PAH: variants seen among roughly 807,000 people sequenced by gnomAD.
PAH encodes the protein phenylalanine-4-hydroxylase.
A neutral mutation model predicts 62.0 loss-of-function variants in PAH; 64 were observed. The ratio of observed to expected loss-of-function variants is 1.03; its 90% confidence interval spans 0.84 to 1.27. PAH has a LOEUF of 1.27. Ranked by LOEUF, PAH falls within the 50% of genes most tolerant of loss-of-function variation. PAH has a pLI of 0.00. For synonymous variants in PAH, 195 were observed against 196.2 expected (o/e 0.99, Z 0.05); for missense variants, 579 against 542.8 (o/e 1.07, Z -0.66).
intron 4 of PAH, 92 bp from the exon 5 acceptor site, chr12:102,866,755 G>T: frequency 1.0e-6 from 1 of 985,742 alleles, no homozygotes; most frequent in South Asian, 1.3e-5. Flanking sequence ...CTCAAGCCAT[G>T]ACAGTGCATG....
At chr12:102,875,994 T>C (rs1430484478) in intron 4 of PAH, among the ~76,000 whole-genome samples, 2 of 151,444 alleles carry the variant, frequency 1.3e-5, no homozygotes, top group Non-Finnish European at 2.9e-5. Context: ...CACCCAAATA[T>C]TAATATTGAT....
intron 2 of PAH, among the ~76,000 whole-genome samples, chr12:102,909,823 G>A (rs918215779): frequency 6.6e-6 from 1 of 152,118 alleles, no homozygotes; most frequent in African/African-American, 2.4e-5. Flanking sequence ...GCTGGGCATG[G>A]TGGCATGTGC....
At chr12:102,877,935 C>G (rs1230927321) in intron 3 of PAH, among the ~76,000 whole-genome samples, 3 of 152,128 alleles carry the variant, frequency 2.0e-5, no homozygotes, top group Non-Finnish European at 4.4e-5. Context: ...AAGTGACTCT[C>G]CTGCCTCAGC....
chr12:102,899,261 C>T (rs1490900169), intron 2 of PAH, among the ~76,000 whole-genome samples: 1 of 151,958 alleles, frequency 6.6e-6, no homozygotes, highest in Admixed American at 6.6e-5. Context: ...ACCTCTGGCA[C>T]GCTTATTTGT....
chr12:102,922,904 GA>G (rs918581221), intron 1 of PAH, among the ~76,000 whole-genome samples: 7 of 151,874 alleles, frequency 4.6e-5, no homozygotes, highest in Admixed American at 2.0e-4. Flanking sequence ...TAATTACACA[GA>G]AAAAAAACCA....
At chr12:102,925,312 G>T (rs1209408372) in intron 1 of PAH, among the ~76,000 whole-genome samples, 1 of 152,114 alleles carries the variant, frequency 6.6e-6, no homozygotes, top group Admixed American at 6.6e-5. Flanking sequence ...ATTTAGGAAT[G>T]GAGACATGTT....
intron 4 of PAH, 22 bp from the exon 5 acceptor site, chr12:102,866,685 ATT>A: frequency 6.2e-7 from 1 of 1,601,310 alleles, no homozygotes; most frequent in Non-Finnish European, 8.6e-7. Flanking sequence ...GAGACACCTG[ATT>A]TTTCAAGGCT....
upstream of PAH, among the ~76,000 whole-genome samples, chr12:102,921,240 TTTTTAA>T (rs1311516163): frequency 1.8e-4 from 28 of 152,194 alleles, no homozygotes; most frequent in Non-Finnish European, 2.9e-5. Context: ...TGTCTTGTTG[TTTTTAA>T]TTTGAATTTC....
chr12:102,894,755 C>T lies in PAH; in HGVS notation c.332G>A (p.Arg111Gln), dbSNP rs868854935. ...DIGATVHELS[R>Q]DKKKDTVPWF... Reference sequence around the variant, plus strand: ...CTTACCTGTGTCTTTCTTCTTATCTCGTGAAAGCTCATGGACAGTGGCACC... The same window carrying T: ...CTTACCTGTGTCTTTCTTCTTATCTTGTGAAAGCTCATGGACAGTGGCACC... The change falls in exon 3 of 13, where the codon CGA becomes CAA. Residue 111 changes from arginine to glutamine, a missense_variant. Transcript: ENST00000553106. 7 of 1,613,880 alleles carry T rather than the reference C, an allele frequency of 4.3e-6. No individual in the cohort carries two copies. The East Asian group carries it at 6.7e-5, about 15-fold the overall frequency.
At chr12:102,853,371 G>A (rs1875264930) in intron 6 of PAH, 2 of 312,490 alleles carry the variant, frequency 6.4e-6, no homozygotes, top group South Asian at 5.9e-5. Flanking sequence ...GAAGGGAAGA[G>A]TATGGATAGA....
At chr12:102,948,593 C>T (rs904777780) in intron 1 of PAH, among the ~76,000 whole-genome samples, 3 of 152,144 alleles carry the variant, frequency 2.0e-5, no homozygotes, top group East Asian at 1.9e-4. Flanking sequence ...AGCCTCTCCT[C>T]CCCCTCAAGT....
chr12:102,932,241 C>A (rs1878906296), intron 1 of PAH, among the ~76,000 whole-genome samples: 1 of 152,214 alleles, frequency 6.6e-6, no homozygotes, highest in Non-Finnish European at 1.5e-5. Context: ...ATTACAGGGC[C>A]TCTGCTCTTC....
intron 5 of PAH, among the ~76,000 whole-genome samples, chr12:102,857,429 C>A (rs1395178194): frequency 6.6e-6 from 1 of 152,310 alleles, no homozygotes; most frequent in East Asian, 1.9e-4. Context: ...ACTTCCCCAA[C>A]CTAGCAAGGC....
intron 4 of PAH, 57 bp downstream of exon 4, chr12:102,877,405 G>T: frequency 8.8e-7 from 1 of 1,138,404 alleles, no homozygotes; most frequent in Non-Finnish European, 1.3e-6. Flanking sequence ...TAAGAGGAAG[G>T]GAGGGGAGTG....
chr12:102,913,776 A>G (rs1246454369), intron 1 of PAH: 8 of 700,098 alleles, frequency 1.1e-5, no homozygotes, highest in African/African-American at 1.7e-5. Flanking sequence ...CTAAATCTCA[A>G]AGAATGTCCA....
upstream of PAH, among the ~76,000 whole-genome samples, chr12:102,919,707 T>C (rs1044394179): frequency 6.6e-6 from 1 of 152,188 alleles, no homozygotes; most frequent in African/African-American, 2.4e-5. Context: ...ATGTTTGGCT[T>C]TCTGTGCCTG....
intron 1 of PAH, among the ~76,000 whole-genome samples, chr12:102,931,624 A>G (rs1170856954): frequency 6.6e-6 from 1 of 152,158 alleles, no homozygotes; most frequent in African/African-American, 2.4e-5. Context: ...CTCTCCTTTC[A>G]TTGCTACTTC....
At chr12:102,861,113 A>G (rs1875695959) in intron 5 of PAH, among the ~76,000 whole-genome samples, 1 of 152,262 alleles carries the variant, frequency 6.6e-6, no homozygotes. Context: ...TCCAGAATCT[A>G]CAAAGAACTC....
At chr12:102,941,925 C>G (rs1396241749) in intron 1 of PAH, among the ~76,000 whole-genome samples, 1 of 152,008 alleles carries the variant, frequency 6.6e-6, no homozygotes, top group African/African-American at 2.4e-5. Flanking sequence ...CAAAGGAACA[C>G]ACCTCAAAAT....
Sources: allele counts gnomAD v4.1 joint callset (sites outside exome capture counted in the v4.1 genomes callset), GRCh38; gene constraint gnomAD v4.1.1; transcripts MANE v1.5; gene names NCBI Gene and HGNC (gene_info 2026-07-23, HGNC 2026-07-21).